The following FBXL17 variants were observed in gnomAD, a reference collection of about 807,000 sequenced individuals.
FBXL17 encodes F-box and leucine rich repeat protein 17.
In FBXL17, 22 loss-of-function variants were observed where a neutral mutation model predicts 66.2. That is an observed-to-expected ratio of 0.33 (90% CI 0.24 to 0.47). The LOEUF (loss-of-function observed/expected upper bound fraction) is 0.47, where lower values mean the gene tolerates loss of function less well. Ranked by LOEUF, FBXL17 falls within the 20% of genes least tolerant of loss-of-function variation. The pLI, the probability that FBXL17 is intolerant of heterozygous loss-of-function variation, is 1.00. For missense variants in FBXL17, 878 were observed against 948.2 expected (o/e 0.93, Z 0.97); for synonymous variants, 474 against 400.5 (o/e 1.18, Z -2.19).
At chr5:108,233,131 T>G (rs181375054) in intron 4 of FBXL17, among the ~76,000 whole-genome samples, 2 of 152,154 alleles carry the variant, frequency 1.3e-5, no homozygotes, top group Admixed American at 1.3e-4. Flanking sequence ...TTGCAGGAGT[T>G]CTTTATATAT....
intron 4 of FBXL17, among the ~76,000 whole-genome samples, chr5:108,295,714 C>T (rs1250804636): frequency 2.0e-5 from 3 of 151,912 alleles, no homozygotes; most frequent in African/African-American, 4.8e-5. Context: ...GCTAATAGAG[C>T]TCAAACCAGC....
rs912118369 is a variant in FBXL17 at position 108,011,934 on chromosome 5, A to T, written c.1822+8991T>A. 2.6e-5 allele frequency among the ~76,000 whole-genome samples: 4 copies of T among 152,234 alleles called. No homozygotes were observed. In the South Asian group the frequency reaches 8.3e-4, roughly 31 times the overall value. On this transcript the variant is annotated intron_variant, in intron 7 of 8. Coordinates refer to ENST00000542267, the MANE Select transcript of FBXL17 (RefSeq NM_001163315.3). ...AAGGAATTCAAGAAAGCAATTGCTT[A>T]CATTTCTAGGAATAGTAAAATTATG...
chr5:108,379,182 T>C (rs1749660890), intron 1 of FBXL17, among the ~76,000 whole-genome samples: 1 of 152,238 alleles, frequency 6.6e-6, no homozygotes, highest in South Asian at 2.1e-4. Context: ...TTAAAATGTT[T>C]TTTACCTCAT....
At chr5:108,206,865 T>A (rs992321888) in intron 5 of FBXL17, among the ~76,000 whole-genome samples, 2 of 152,142 alleles carry the variant, frequency 1.3e-5, no homozygotes, top group African/African-American at 2.4e-5. Context: ...CTTTCATTGA[T>A]CTTGAGTAAA....
intron 4 of FBXL17, among the ~76,000 whole-genome samples, chr5:108,317,532 G>T (rs1462507041): frequency 6.6e-6 from 1 of 150,550 alleles, no homozygotes; most frequent in Admixed American, 6.6e-5. Context: ...TTTAAAAATA[G>T]TATTATTAAT....
chr5:108,087,615 G>A (rs537670069), intron 6 of FBXL17, among the ~76,000 whole-genome samples: 41 of 152,080 alleles, frequency 2.7e-4, no homozygotes, highest in African/African-American at 8.7e-4. Context: ...CTCGATCTCA[G>A]TGTCTGCTTC....
At chr5:108,163,405 T>C (rs1752291321) in intron 6 of FBXL17, among the ~76,000 whole-genome samples, 1 of 71,438 alleles carries the variant, frequency 1.4e-5, no homozygotes, top group African/African-American at 3.3e-5. Flanking sequence ...TTTTCTTTTT[T>C]TTTTTTTTTT....
intron 7 of FBXL17, among the ~76,000 whole-genome samples, chr5:107,884,261 C>T (rs1748888522): frequency 6.6e-6 from 1 of 152,158 alleles, no homozygotes; most frequent in Non-Finnish European, 1.5e-5. Context: ...CTGGGGGCTT[C>T]AGGGAGGGTC....
chr5:107,923,257 C>T (rs1162485419), intron 7 of FBXL17, among the ~76,000 whole-genome samples: 1 of 152,126 alleles, frequency 6.6e-6, no homozygotes, highest in Non-Finnish European at 1.5e-5. Flanking sequence ...CAGGAAAGCA[C>T]AAACTGGGTT....
chr5:108,324,362 A>G (rs1304622778), intron 4 of FBXL17, among the ~76,000 whole-genome samples: 9 of 152,226 alleles, frequency 5.9e-5, no homozygotes, highest in Non-Finnish European at 1.2e-4. Flanking sequence ...GATGCAAATC[A>G]AAACAAAGAA....
At chr5:108,045,238 G>A (rs926076109) in intron 6 of FBXL17, among the ~76,000 whole-genome samples, 16 of 152,044 alleles carry the variant, frequency 1.1e-4, no homozygotes, top group Non-Finnish European at 7.4e-5. Flanking sequence ...TCAGGAGTTC[G>A]AAACCAGCCT....
At chr5:108,182,673 C>T (rs997971323) in intron 6 of FBXL17, among the ~76,000 whole-genome samples, 1 of 152,042 alleles carries the variant, frequency 6.6e-6, no homozygotes, top group Non-Finnish European at 1.5e-5. Context: ...GGATCAAACA[C>T]CAAATAACCA....
chr5:108,349,261 G>A (rs987569941), intron 3 of FBXL17, among the ~76,000 whole-genome samples: 1 of 152,090 alleles, frequency 6.6e-6, no homozygotes, highest in Non-Finnish European at 1.5e-5. Flanking sequence ...ATTTTATAAA[G>A]AAATTATGCA....
intron 7 of FBXL17, among the ~76,000 whole-genome samples, chr5:107,913,740 T>C (rs768443992): frequency 1.4e-4 from 21 of 152,210 alleles, no homozygotes; most frequent in Non-Finnish European, 2.9e-4. Context: ...TCGTCAACAA[T>C]ATGAAAGAGA....
intron 4 of FBXL17, among the ~76,000 whole-genome samples, chr5:108,236,134 CCA>C: frequency 6.6e-6 from 1 of 152,156 alleles, no homozygotes; most frequent in Middle Eastern, 3.4e-3. Flanking sequence ...TCACTTGAGC[CCA>C]GAGGTCGAGG....
intron 7 of FBXL17, among the ~76,000 whole-genome samples, chr5:107,924,749 C>T (rs974782376): frequency 1.3e-5 from 2 of 152,278 alleles, no homozygotes; most frequent in Admixed American, 1.3e-4. Context: ...AGCAATTTCA[C>T]CAGATGATCT....
intron 7 of FBXL17, among the ~76,000 whole-genome samples, chr5:107,959,016 G>A (rs1751784354): frequency 6.6e-6 from 1 of 152,144 alleles, no homozygotes; most frequent in African/African-American, 2.4e-5. Context: ...TTAGCATCAG[G>A]AAGTGACTTG....
intron 7 of FBXL17, among the ~76,000 whole-genome samples, chr5:107,980,934 GCGCC>G (rs1343895006): frequency 6.6e-6 from 1 of 151,720 alleles, no homozygotes; most frequent in Admixed American, 6.6e-5. Flanking sequence ...ATGAGGCACC[GCGCC>G]CGGCCAAAAT....
chr5:108,154,622 C>T lies in FBXL17; in HGVS notation c.1745+31495G>A, dbSNP rs1479051777. Among the ~76,000 whole-genome samples, 458 of 121,690 alleles carry T rather than the reference C, an allele frequency of 3.8e-3. 7 individuals are homozygous for T. Among genetic ancestry groups the T allele is most frequent in the African/African-American group, 0.016 (422 of 26,098 alleles). 79.8% of individuals were successfully genotyped at this position (121,690 alleles called of 152,430 possible). ...AAAAAAAAAAATATATATATACACA[C>T]ACACACACACACACACACACACACA... is the stretch of plus-strand genomic sequence containing the variant. On this transcript the variant is annotated intron_variant, in intron 6 of 8. Transcript: ENST00000542267.
Sources: allele counts gnomAD v4.1 joint callset (sites outside exome capture counted in the v4.1 genomes callset), GRCh38; gene constraint gnomAD v4.1.1; transcripts MANE v1.5; gene names NCBI Gene and HGNC (gene_info 2026-07-23, HGNC 2026-07-21).